Variants in TANC2 observed in about 807,000 individuals in gnomAD.
TANC2 encodes protein TANC2.
In TANC2, 26 loss-of-function variants were observed where a neutral mutation model predicts 210.5. That is an observed-to-expected ratio of 0.12 (90% CI 0.09 to 0.17). The LOEUF (loss-of-function observed/expected upper bound fraction) is 0.17. TANC2 is among the 10% of genes least tolerant of loss of function. The pLI is 1.00. For synonymous variants in TANC2, 931 were observed against 967.1 expected (o/e 0.96, Z 0.69); for missense variants, 2,129 against 2,608.9 (o/e 0.82, Z 4.01).
intron 1 of TANC2, among the ~76,000 whole-genome samples, chr17:62,974,564 C>T (rs958333807): frequency 6.6e-5 from 10 of 152,082 alleles, no homozygotes; most frequent in Non-Finnish European, 1.3e-4. Context: ...TATTTATTGA[C>T]TACTATGTAT....
intron 1 of TANC2, among the ~76,000 whole-genome samples, chr17:62,978,095 T>C (rs1014399193): frequency 4.6e-5 from 7 of 152,188 alleles, no homozygotes; most frequent in Non-Finnish European, 8.8e-5. Flanking sequence ...ATTTCCCAAC[T>C]GATGGATGTT....
At position 63,341,264 on chromosome 17, in the gene TANC2, A is replaced by G. The variant is rs74493100; in HGVS notation, c.1807+932A>G. 7.6e-3 allele frequency among the ~76,000 whole-genome samples: 1,153 copies of G among 152,244 alleles called. 15 individuals are homozygous for G. The highest frequency in any genetic ancestry group is 0.025 in the African/African-American group (1,051 of 41,542). ...TTTCTCTTTCTCCTCTACTCTGATG[A>G]CCTCTGTCACTACCTTTGCTACCTG... On this transcript the variant is annotated intron_variant, in intron 12 of 27. Coordinates refer to ENST00000689528, the Ensembl canonical transcript of TANC2.
chr17:63,106,381 A>G (rs1280825056), intron 4 of TANC2, among the ~76,000 whole-genome samples: 1 of 151,648 alleles, frequency 6.6e-6, no homozygotes, highest in Non-Finnish European at 1.5e-5. Context: ...ATTTATAGCT[A>G]AGGAGCAGAG....
chr17:63,070,124 A>G (rs945466716), intron 2 of TANC2, among the ~76,000 whole-genome samples: 2 of 152,214 alleles, frequency 1.3e-5, no homozygotes, highest in African/African-American at 4.8e-5. Flanking sequence ...AATTATGTAC[A>G]CATTAGTTTT....
intron 5 of TANC2, among the ~76,000 whole-genome samples, chr17:63,160,473 T>G (rs938979805): frequency 1.3e-5 from 2 of 152,246 alleles, no homozygotes; most frequent in Admixed American, 6.5e-5. Context: ...TGTTTTTACC[T>G]TAACAACTAT....
chr17:63,071,230 T>C (rs541837681), intron 2 of TANC2, among the ~76,000 whole-genome samples: 30 of 152,316 alleles, frequency 2.0e-4, no homozygotes, highest in African/African-American at 6.3e-4. Context: ...ATAGGGACTT[T>C]AGTTACCTAA....
chr17:63,184,071 A>G (rs1278283229), intron 5 of TANC2, among the ~76,000 whole-genome samples: 3 of 152,334 alleles, frequency 2.0e-5, no homozygotes, highest in Middle Eastern at 3.4e-3. Context: ...AGTGGGAAAA[A>G]ATAGATAAAA....
intron 2 of TANC2, among the ~76,000 whole-genome samples, chr17:63,022,151 C>A (rs1288887942): frequency 6.6e-6 from 1 of 151,810 alleles, no homozygotes; most frequent in Non-Finnish European, 1.5e-5. Context: ...TCAGCCTGGG[C>A]AAGATGGTGA....
At chr17:63,404,574 C>G (rs765214807) in intron 19 of TANC2, among the ~76,000 whole-genome samples, 2 of 152,082 alleles carry the variant, frequency 1.3e-5, no homozygotes, top group Non-Finnish European at 2.9e-5. Context: ...GCAAATGTAC[C>G]AGAAACTTCT....
chr17:63,309,367 A>G (rs2045039184), intron 9 of TANC2, among the ~76,000 whole-genome samples: 1 of 152,230 alleles, frequency 6.6e-6, no homozygotes, highest in African/African-American at 2.4e-5. Context: ...GGTTTTGAAT[A>G]TGATTACATG....
intron 1 of TANC2, chr17:62,978,477 A>AG (rs2143376922): frequency 6.6e-6 from 1 of 152,266 alleles, no homozygotes; most frequent in African/African-American, 2.4e-5. Flanking sequence ...GGGTCTTTAG[A>AG]GGGGACTCTA....
At chr17:63,053,227 C>G (rs2035644378) in intron 2 of TANC2, among the ~76,000 whole-genome samples, 2 of 152,192 alleles carry the variant, frequency 1.3e-5, no homozygotes, top group Admixed American at 6.5e-5. Context: ...CCGTCTTTGT[C>G]CATGTCTAGT....
chr17:62,968,021 A>G (rs539647874), intron 1 of TANC2, among the ~76,000 whole-genome samples: 2 of 152,256 alleles, frequency 1.3e-5, no homozygotes, highest in South Asian at 2.1e-4. Flanking sequence ...ATGTCTCTAT[A>G]TAGATATATG....
In TANC2 at chr17:63,421,813, A is replaced by C. The variant is rs1189327178; in HGVS notation, c.6083A>C (p.Tyr2028Ser). 1 of 1,613,932 alleles carries C rather than the reference A, an allele frequency of 6.2e-7. No individual in the cohort carries two copies. Among genetic ancestry groups the C allele is most frequent in the Non-Finnish European group, 8.5e-7 (1 of 1,179,906 alleles). The change falls in exon 28 of 28, where the codon TAT becomes TCT. Residue 2028 changes from tyrosine to serine, a missense_variant. Transcript: ENST00000689528. This position sits in a 1 kb window ranked among gnomAD's most constrained non-coding sequence, Gnocchi z 6.9. ...GAGCGAGTCAGCCAGGCCTCCTCCT[A>C]TCCCGACGTGAAGGTAGCTCGGACT...
intron 10 of TANC2, 136 bp from the exon 11 acceptor site, chr17:63,318,821 G>A: frequency 2.0e-6 from 2 of 1,005,798 alleles, no homozygotes; most frequent in Non-Finnish European, 2.9e-6. Context: ...GTTTTTGGGT[G>A]GACATGTGTT....
intron 9 of TANC2, among the ~76,000 whole-genome samples, chr17:63,285,790 C>T (rs1598775368): frequency 6.6e-6 from 1 of 152,152 alleles, no homozygotes; most frequent in Admixed American, 6.6e-5. Flanking sequence ...GGCGTGTGGT[C>T]ATACAGACCC....
At chr17:63,319,469 T>A (rs1327039024) in intron 11 of TANC2, among the ~76,000 whole-genome samples, 1 of 152,128 alleles carries the variant, frequency 6.6e-6, no homozygotes. Flanking sequence ...CTCAGCTTCC[T>A]GAGTAGCTGT....
intron 3 of TANC2, among the ~76,000 whole-genome samples, chr17:63,079,121 A>C (rs923899292): frequency 1.5e-4 from 23 of 152,182 alleles, no homozygotes; most frequent in African/African-American, 5.3e-4. Context: ...GCTGGTTGTG[A>C]GATGGGCTTG....
intron 2 of TANC2, among the ~76,000 whole-genome samples, chr17:63,054,709 T>A (rs1454353046): frequency 6.6e-6 from 1 of 152,166 alleles, no homozygotes; most frequent in South Asian, 2.1e-4. Flanking sequence ...ATGTTCCTGC[T>A]CCTTCCTTTT....
Sources: allele counts gnomAD v4.1 joint callset (sites outside exome capture counted in the v4.1 genomes callset), GRCh38; gene constraint gnomAD v4.1.1; non-coding constraint Gnocchi (gnomAD v3.1); transcripts MANE v1.5; gene names NCBI Gene and HGNC (gene_info 2026-07-23, HGNC 2026-07-21).